Variants in MEGF9 observed in about 807,000 individuals in gnomAD.
MEGF9 encodes the protein multiple epidermal growth factor-like domains protein 9.
In MEGF9, 6 loss-of-function variants were observed where a neutral mutation model predicts 46.8. The ratio of observed to expected loss-of-function variants is 0.13; its 90% CI spans 0.07 to 0.25. The LOEUF (loss-of-function observed/expected upper bound fraction) is 0.25. Ranked by LOEUF, MEGF9 falls within the 10% of genes least tolerant of loss-of-function variation. The pLI, the probability that MEGF9 is intolerant of heterozygous loss-of-function variation, is 1.00. For missense variants in MEGF9, 683 were observed against 792.4 expected (o/e 0.86, Z 1.66); for synonymous variants, 302 against 330.7 (o/e 0.91, Z 0.94).
chr9:120,667,209 C>A (rs1044643192), intron 1 of MEGF9, among the ~76,000 whole-genome samples: 2 of 152,164 alleles, frequency 1.3e-5, no homozygotes, highest in Non-Finnish European at 2.9e-5. Context: ...GGGGACCCAA[C>A]TAATGATTGA....
rs928768413 is a variant in MEGF9, at chr9:120,600,969, T to A, written c.*4221A>T. On this transcript the variant is annotated 3_prime_UTR_variant, in exon 6 of 6. Transcript: ENST00000373930. ...TATTTTTAATAATTTTAAATAACAC[T>A]CTTGTATAAATTCTTTCATATATTC... The A allele has an allele frequency of 1.3e-5, 2 of 152,636 alleles. No individual in the cohort carries two copies. Among genetic ancestry groups the A allele is most frequent in the Non-Finnish European group, 2.9e-5 (2 of 68,028 alleles). 9.5% of individuals were successfully genotyped at this position (152,636 alleles called of 1,614,324 possible).
chr9:120,652,478 T>TAAAAAAAAAAAAAAAAAAAA (rs57268783), intron 2 of MEGF9, among the ~76,000 whole-genome samples: 3 of 85,596 alleles, frequency 3.5e-5, no homozygotes, highest in African/African-American at 9.1e-5. Flanking sequence ...GATCTTGTCT[T>TAAAAAAAAAAAAAAAAAAAA]AAAAAAAAAA....
chr9:120,702,003 A>C (rs2043907546), intron 1 of MEGF9, among the ~76,000 whole-genome samples: 1 of 152,052 alleles, frequency 6.6e-6, no homozygotes, highest in Non-Finnish European at 1.5e-5. Flanking sequence ...AGATCACGCC[A>C]CTGCTCTCCA....
At position 120,622,700 on chromosome 9, in the gene MEGF9, G is replaced by A; in HGVS notation, c.859C>T (p.Gln287Ter). ...TTACTAAAGCCATAATATCCATCTTGGCATCGGTCACATATAGAGCCAATG... is the reference window on the plus strand; with the variant it reads ...TTACTAAAGCCATAATATCCATCTTAGCATCGGTCACATATAGAGCCAATG... ...GVIGSICDRC[Q>*]DGYYGFSKNG... is the part of the protein sequence containing the mutation. The change falls in exon 3 of 6, where the codon CAA (glutamine) becomes TAA (stop). Residue 287 changes from glutamine (Q) to a stop codon, truncating the protein, a stop_gained. Transcript: ENST00000373930. LOFTEE classifies it high-confidence loss of function. 6.2e-7 allele frequency: 1 copy of A among 1,613,572 alleles called. No individual in the cohort carries two copies. Among genetic ancestry groups the A allele is most frequent in the Non-Finnish European group, 8.5e-7 (1 of 1,179,782 alleles).
intron 3 of MEGF9, among the ~76,000 whole-genome samples, chr9:120,618,826 GGAGCCA>G (rs747301726): frequency 6.6e-6 from 1 of 151,588 alleles, no homozygotes; most frequent in Non-Finnish European, 1.5e-5. Context: ...CTTGAACCCG[GGAGCCA>G]GAGGTTGCAG....
At chr9:120,700,028 G>A (rs1327700630) in intron 1 of MEGF9, among the ~76,000 whole-genome samples, 1 of 152,012 alleles carries the variant, frequency 6.6e-6, no homozygotes, top group South Asian at 2.1e-4. Context: ...AGCTATCTTG[G>A]TCACATTCCA....
chr9:120,670,414 C>T (rs1188196683), intron 1 of MEGF9, among the ~76,000 whole-genome samples: 2 of 152,038 alleles, frequency 1.3e-5, no homozygotes, highest in Non-Finnish European at 2.9e-5. Context: ...GTTCTTTGTA[C>T]CTTCCACTAT....
intron 1 of MEGF9, among the ~76,000 whole-genome samples, chr9:120,661,016 C>G (rs940002112): frequency 2.6e-5 from 4 of 152,138 alleles, no homozygotes; most frequent in Non-Finnish European, 4.4e-5. Context: ...GTTTGCTTCT[C>G]CATTCTAGAA....
intron 4 of MEGF9, 135 bp from the exon 5 acceptor site, chr9:120,608,145 G>T: frequency 1.0e-6 from 1 of 999,568 alleles, no homozygotes; most frequent in Non-Finnish European, 1.5e-6. Flanking sequence ...CTTGAGCCCA[G>T]GAGTTTGAGA....
chr9:120,679,176 A>G lies in MEGF9; in HGVS notation c.602-19601T>C, dbSNP rs542240305. On this transcript the variant is annotated intron_variant, in intron 1 of 5. Coordinates refer to ENST00000373930, the MANE Select transcript of MEGF9 (RefSeq NM_001080497.3). ...TGCTGCTATAAAGACACATGCACAC[A>G]TTTATTTTTGCGGCACTATTCACAA... is the stretch of plus-strand genomic sequence containing the variant. 2.4e-3 allele frequency among the ~76,000 whole-genome samples: 358 copies of G among 152,298 alleles called. 2 individuals carry two copies. Among genetic ancestry groups the G allele is most frequent in the African/African-American group, 8.4e-3 (347 of 41,556 alleles).
In MEGF9 at chr9:120,604,995, G is replaced by A; in HGVS notation, c.*195C>T. 1 of 604,666 alleles carries A rather than the reference G, an allele frequency of 1.7e-6. No homozygotes were observed. The highest frequency in any genetic ancestry group is 2.9e-6 in the Non-Finnish European group (1 of 347,162). 37.5% of individuals were successfully genotyped at this position (604,666 alleles called of 1,614,324 possible). A position where few individuals can be genotyped will look rare whatever the true frequency, so the allele number is the denominator to read the frequency against. On this transcript the variant is annotated 3_prime_UTR_variant, in exon 6 of 6. Transcript: ENST00000373930. ...CTTTACTTCAAGTCCTAATGACAGT[G>A]AACGCTTCAGATCTTCATGGGAAAA...
intron 1 of MEGF9, among the ~76,000 whole-genome samples, chr9:120,684,653 G>A (rs1395728644): frequency 6.6e-6 from 1 of 152,024 alleles, no homozygotes; most frequent in Admixed American, 6.6e-5. Flanking sequence ...CAAAAAGAAG[G>A]GCACAGTAGA....
At chr9:120,612,130 T>C (rs781289866) in intron 4 of MEGF9, among the ~76,000 whole-genome samples, 1 of 152,160 alleles carries the variant, frequency 6.6e-6, no homozygotes, top group African/African-American at 2.4e-5. Context: ...AATTAGTAAA[T>C]GTTACCTTGA....
chr9:120,698,964 A>C (rs2043890960), intron 1 of MEGF9, among the ~76,000 whole-genome samples: 1 of 152,114 alleles, frequency 6.6e-6, no homozygotes, highest in Non-Finnish European at 1.5e-5. Context: ...AAAAATACCA[A>C]ATGTCTGGCT....
intron 2 of MEGF9, among the ~76,000 whole-genome samples, chr9:120,626,997 G>C (rs528374892): frequency 1.3e-5 from 2 of 152,102 alleles, no homozygotes; most frequent in Non-Finnish European, 2.9e-5. Flanking sequence ...AGAATTCCCA[G>C]TTGGCAAAGA....
intron 2 of MEGF9, among the ~76,000 whole-genome samples, chr9:120,648,196 T>G (rs572687336): frequency 6.6e-6 from 1 of 152,182 alleles, no homozygotes; most frequent in African/African-American, 2.4e-5. Context: ...TTGTTAAATA[T>G]TCTTCAATGG....
rs562175400 is a variant in MEGF9, at chr9:120,604,921, A to G, written c.*269T>C. 7.0e-6 allele frequency: 3 copies of G among 430,764 alleles called. No individual in the cohort carries two copies. Among genetic ancestry groups the G allele is most frequent in the South Asian group, 6.7e-5 (2 of 30,046 alleles). 26.7% of individuals were successfully genotyped at this position (430,764 alleles called of 1,614,324 possible). ...GGTCAAAGTGGTTTTGGGCTGCACTATGGGGTTCAGCCTTTCCATACTCCC... is the reference window on the plus strand; with the variant it reads ...GGTCAAAGTGGTTTTGGGCTGCACTGTGGGGTTCAGCCTTTCCATACTCCC... On this transcript the variant is annotated 3_prime_UTR_variant, in exon 6 of 6. Coordinates refer to ENST00000373930, the MANE Select transcript of MEGF9 (RefSeq NM_001080497.3).
intron 1 of MEGF9, among the ~76,000 whole-genome samples, chr9:120,683,736 TA>T (rs1187551498): frequency 6.6e-6 from 1 of 151,830 alleles, no homozygotes; most frequent in Non-Finnish European, 1.5e-5. Context: ...CTACTTAAAA[TA>T]CAAAAAATTA....
chr9:120,652,331 G>A (rs1419925195), intron 2 of MEGF9, among the ~76,000 whole-genome samples: 1 of 151,064 alleles, frequency 6.6e-6, no homozygotes, highest in African/African-American at 2.4e-5. Flanking sequence ...ACAAAAAATA[G>A]GCAGGCGTGG....
Sources: allele counts gnomAD v4.1 joint callset (sites outside exome capture counted in the v4.1 genomes callset), GRCh38; gene constraint gnomAD v4.1.1; transcripts MANE v1.5; gene names NCBI Gene and HGNC (gene_info 2026-07-23, HGNC 2026-07-21).